UACA: variants seen among roughly 807,000 people sequenced by gnomAD.
UACA encodes uveal autoantigen with coiled-coil domains and ankyrin repeats, also known as nuclear membrane binding protein.
UACA carries 112 observed loss-of-function variants against 160.5 expected under a neutral mutation model. The ratio of observed to expected loss-of-function variants is 0.70; its 90% CI spans 0.60 to 0.82. The LOEUF (loss-of-function observed/expected upper bound fraction) is 0.82. Among genes scored for constraint, UACA ranks in the 40% least tolerant of loss-of-function variants. UACA has a pLI of 0.00. For missense variants in UACA, 1,574 were observed against 1,614.6 expected (o/e 0.97, Z 0.43); for synonymous variants, 557 against 568.4 (o/e 0.98, Z 0.29).
intron 1 of UACA, among the ~76,000 whole-genome samples, chr15:70,756,864 C>T (rs898495465): frequency 2.0e-5 from 3 of 152,162 alleles, no homozygotes; most frequent in African/African-American, 7.2e-5. Context: ...CAGAGTGAGA[C>T]TTCATCTCCA....
chr15:70,718,324 ATGTG>A (rs59313425), intron 1 of UACA, among the ~76,000 whole-genome samples: 4,359 of 60,078 alleles, frequency 0.073, 132 homozygotes, highest in Non-Finnish European at 0.08. Flanking sequence ...GAGAGAGAGA[ATGTG>A]TGTGTGTGTG....
In UACA at chr15:70,713,660, T is replaced by C. The variant is rs1220641756; in HGVS notation, c.79-14000A>G. Among the ~76,000 whole-genome samples, 9 of 152,212 alleles carry C rather than the reference T, an allele frequency of 5.9e-5. No homozygotes were observed. The East Asian group carries it at 1.7e-3, about 29-fold the overall frequency. ...AAGGATTAAGGCAACTGTAGTTTCATGAAGTTCTTTTGGTCACTTTGGAAT... is the reference window on the plus strand; with the variant it reads ...AAGGATTAAGGCAACTGTAGTTTCACGAAGTTCTTTTGGTCACTTTGGAAT... On this transcript the variant is annotated intron_variant, in intron 1 of 18. Transcript: ENST00000322954.
chr15:70,676,464 T>C (rs1424009691), intron 13 of UACA, 29 bp downstream of exon 13: 1 of 1,451,318 alleles, frequency 6.9e-7, no homozygotes, highest in Non-Finnish European at 9.6e-7. Flanking sequence ...CCATTATGAA[T>C]TACAGGAAAT....
At chr15:70,747,461 C>CTA (rs1284260730) in intron 1 of UACA, among the ~76,000 whole-genome samples, 1 of 151,994 alleles carries the variant, frequency 6.6e-6, no homozygotes, top group Non-Finnish European at 1.5e-5. Flanking sequence ...CCTCAACCTC[C>CTA]TAAACTCAAG....
intron 5 of UACA, among the ~76,000 whole-genome samples, chr15:70,689,776 T>C (rs1897860284): frequency 6.6e-6 from 1 of 152,098 alleles, no homozygotes; most frequent in South Asian, 2.1e-4. Flanking sequence ...TTTTTCAAAG[T>C]ACTTTCTTTA....
chr15:70,682,292 T>C (rs1016981300), intron 9 of UACA, among the ~76,000 whole-genome samples: 1 of 152,180 alleles, frequency 6.6e-6, no homozygotes, highest in Admixed American at 6.5e-5. Context: ...ATAAAAACAC[T>C]AACAGTGGCA....
intron 17 of UACA, 149 bp downstream of exon 17, chr15:70,664,513 A>C (rs1344412792): frequency 1.1e-5 from 9 of 855,376 alleles, no homozygotes; most frequent in Non-Finnish European, 1.5e-5. Context: ...TTACACCACC[A>C]GTATAGGTAA....
Position 70,716,825 on chromosome 15 carries a change from C to G in UACA, c.79-17165G>C, listed in dbSNP as rs1898834966. ...CTAACAGTATTCATCTATGTTTTAT[C>G]AATAAAAGCTGAACTCAGCATCTGA... On this transcript the variant is annotated intron_variant, in intron 1 of 18. Transcript: ENST00000322954. Among the ~76,000 whole-genome samples, 3 of 152,184 alleles carry G rather than the reference C, an allele frequency of 2.0e-5. No individual in the cohort carries two copies. In the South Asian group the frequency reaches 6.2e-4, roughly 32 times the overall value.
intron 1 of UACA, among the ~76,000 whole-genome samples, chr15:70,704,329 T>C (rs966452931): frequency 2.0e-5 from 3 of 152,214 alleles, no homozygotes; most frequent in Non-Finnish European, 2.9e-5. Flanking sequence ...CAAGTATCTA[T>C]TGACCTGAGA....
intron 1 of UACA, among the ~76,000 whole-genome samples, chr15:70,748,295 T>C (rs1175141224): frequency 6.6e-6 from 1 of 152,184 alleles, no homozygotes; most frequent in Non-Finnish European, 1.5e-5. Context: ...ATACAGAAAT[T>C]GAGCATCTCT....
intron 1 of UACA, chr15:70,702,219 TGTCCCTTTGAG>T: frequency 1.8e-6 from 2 of 1,114,166 alleles, no homozygotes; most frequent in Non-Finnish European, 2.2e-6. Context: ...CTTTCAAAGT[TGTCCCTTTGAG>T]GGACCCCACT....
chr15:70,719,106 G>A (rs1200409835), intron 1 of UACA, among the ~76,000 whole-genome samples: 1 of 151,628 alleles, frequency 6.6e-6, no homozygotes, highest in Non-Finnish European at 1.5e-5. Flanking sequence ...AAGAGAAGAT[G>A]AAGAGAAGGA....
In UACA at chr15:70,667,752, G is replaced by A; in HGVS notation, c.2932C>T (p.Gln978Ter). Reference sequence around the variant, plus strand: ...GCGTATTTTACCTTAATGCATTCTTGTATTGTGTCGAGCTCCTTCTTCTGG... The same window carrying A: ...GCGTATTTTACCTTAATGCATTCTTATATTGTGTCGAGCTCCTTCTTCTGG... Reference protein sequence around the residue: ...KAQKKELDTIQECIKVKYAPI... With the variant: ...KAQKKELDTI The change falls in exon 16 of 19, where the codon CAA becomes TAA. Residue 978 changes from glutamine (Q) to a stop codon, truncating the protein, a stop_gained. Coordinates refer to ENST00000322954, the MANE Select transcript of UACA (RefSeq NM_018003.4). LOFTEE classifies it high-confidence loss of function. The A allele has an allele frequency of 1.2e-6, 2 of 1,613,986 alleles. No individual in the cohort carries two copies. Among genetic ancestry groups the A allele is most frequent in the Non-Finnish European group, 1.7e-6 (2 of 1,179,978 alleles).
chr15:70,729,578 C>A (rs1195177373), intron 1 of UACA, among the ~76,000 whole-genome samples: 1 of 106,408 alleles, frequency 9.4e-6, no homozygotes, highest in Non-Finnish European at 1.8e-5. Context: ...TTCCTCTACC[C>A]CTGTATTTTG....
chr15:70,722,316 A>T lies in UACA; in HGVS notation c.79-22656T>A, dbSNP rs571539695. On this transcript the variant is annotated intron_variant, in intron 1 of 18. Transcript: ENST00000322954. ...AAAGAGGGAAAAGACAATCTAGCAA[A>T]ATCACTTTTTTTTTTTTTTGAGACA... Among the ~76,000 whole-genome samples the T allele has an allele frequency of 3.3e-5, 5 of 151,446 alleles. No homozygotes were observed. In the South Asian group the frequency reaches 1.0e-3, roughly 31 times the overall value.
At chr15:70,705,653 C>T (rs527917927) in intron 1 of UACA, among the ~76,000 whole-genome samples, 15 of 152,210 alleles carry the variant, frequency 9.9e-5, no homozygotes, top group African/African-American at 3.6e-4. Context: ...GATTGCATCA[C>T]AGGATGCAAA....
chr15:70,712,911 T>A (rs1357478608), intron 1 of UACA, among the ~76,000 whole-genome samples: 1 of 152,242 alleles, frequency 6.6e-6, no homozygotes, highest in African/African-American at 2.4e-5. Context: ...AAAACTTCCA[T>A]ATTTGCATAT....
At chr15:70,702,361 T>C (rs1299382895) in intron 1 of UACA, 4 of 973,594 alleles carry the variant, frequency 4.1e-6, no homozygotes, top group East Asian at 1.1e-4. Context: ...CTGTCTCCCA[T>C]TGGTTGAGTT....
At chr15:70,722,026 A>C (rs2140988701) in intron 1 of UACA, among the ~76,000 whole-genome samples, 1 of 152,320 alleles carries the variant, frequency 6.6e-6, no homozygotes, top group South Asian at 2.1e-4. Context: ...AGTTCTCTTA[A>C]ATTTAGACTA....
Sources: allele counts gnomAD v4.1 joint callset (sites outside exome capture counted in the v4.1 genomes callset), GRCh38; gene constraint gnomAD v4.1.1; transcripts MANE v1.5; gene names NCBI Gene and HGNC (gene_info 2026-07-23, HGNC 2026-07-21).